The following PAK2 variants were observed in gnomAD, a reference collection of about 807,000 sequenced individuals.
PAK2 encodes the protein serine/threonine-protein kinase PAK 2.
PAK2 carries 21 observed loss-of-function variants against 65.9 expected under a neutral mutation model. The observed-to-expected ratio is 0.32, with a 90% confidence interval of 0.23 to 0.46. The LOEUF is 0.46. Among genes scored for constraint, PAK2 ranks in the 20% least tolerant of loss-of-function variants. PAK2 has a pLI of 1.00. For missense variants in PAK2, 324 were observed against 642.6 expected, an observed-to-expected ratio of 0.50 and a Z score of 5.36; for synonymous variants, 204 against 219.7, an observed-to-expected ratio of 0.93 and a Z score of 0.63.
In PAK2 at chr3:196,812,276, T is replaced by G; in HGVS notation, c.822+9T>G. The G allele has an allele frequency of 6.5e-7, 1 of 1,526,904 alleles. No homozygotes were observed. The highest frequency in any genetic ancestry group is 9.1e-7 in the Non-Finnish European group (1 of 1,100,584). 94.6% of individuals were successfully genotyped at this position (1,526,904 alleles called of 1,614,324 possible). Reference sequence around the variant, plus strand: ...TTGCACTGGGACAGGAGGTAGTTACTTTGTTGTAATCCTGGGTGTTACCAT... The same window carrying G: ...TTGCACTGGGACAGGAGGTAGTTACGTTGTTGTAATCCTGGGTGTTACCAT... On this transcript the variant is annotated intron_variant, in intron 9 of 14. Transcript: ENST00000327134.
chr3:196,749,826 T>C (rs1299923675), intron 1 of PAK2, among the ~76,000 whole-genome samples: 1 of 116,304 alleles, frequency 8.6e-6, no homozygotes, highest in African/African-American at 3.0e-5. Flanking sequence ...TTCATTGTTT[T>C]CTGTTTTTTT....
intron 6 of PAK2, 149 bp from the exon 7 acceptor site, chr3:196,807,633 T>C: frequency 1.9e-6 from 1 of 517,524 alleles, no homozygotes. Flanking sequence ...TACACATCTT[T>C]TATATCTGAA....
chr3:196,782,345 G>T (rs976843820), intron 1 of PAK2, among the ~76,000 whole-genome samples: 2 of 151,550 alleles, frequency 1.3e-5, no homozygotes, highest in African/African-American at 4.9e-5. Context: ...CTATTGAGAA[G>T]GTCTCTTAGA....
At chr3:196,746,761 G>C (rs843538) in intron 1 of PAK2, among the ~76,000 whole-genome samples, 69,312 of 149,286 alleles carry the variant, frequency 0.46, 16,486 homozygotes, top group Non-Finnish European at 0.53. Context: ...AGTGAGCCGA[G>C]ATCGTGCCAT....
At chr3:196,793,791 AAAAC>A (rs1470959357) in intron 2 of PAK2, among the ~76,000 whole-genome samples, 3 of 152,214 alleles carry the variant, frequency 2.0e-5, no homozygotes, top group Non-Finnish European at 2.9e-5. Flanking sequence ...TAAAATTACC[AAAAC>A]AAACAAAAGA....
chr3:196,753,508 A>G (rs911975514), intron 1 of PAK2, among the ~76,000 whole-genome samples: 2 of 152,204 alleles, frequency 1.3e-5, no homozygotes, highest in African/African-American at 4.8e-5. Context: ...TATTTCTTTT[A>G]TCTCGCTAAT....
At chr3:196,784,178 G>A (rs554364372) in intron 2 of PAK2, among the ~76,000 whole-genome samples, 4 of 150,840 alleles carry the variant, frequency 2.7e-5, no homozygotes, top group African/African-American at 7.3e-5. Flanking sequence ...ATCTTTAGGG[G>A]CTTACCCTGG....
rs144911835 is a variant in PAK2 at position 196,814,556 on chromosome 3, T to A, written c.1041T>A (p.Ala347=). The A allele has an allele frequency of 7.3e-7, 1 of 1,371,338 alleles. No individual in the cohort carries two copies. Among genetic ancestry groups the A allele is most frequent in the Non-Finnish European group, 1.0e-6 (1 of 962,618 alleles). 84.9% of individuals were successfully genotyped at this position (1,371,338 alleles called of 1,614,324 possible). A position where few individuals can be genotyped will look rare whatever the true frequency, so the allele number is the denominator to read the frequency against. The change falls in exon 11 of 15, where the codon GCT becomes GCA. Residue 347 remains alanine, a synonymous_variant. Transcript: ENST00000327134. The part of the protein sequence containing the change: ...ETCMDEAQIA[A]VCRECLQALE... ...GCATGGATGAAGCACAGATTGCTGC[T>A]GTATGCAGAGAGGTAGGTTTGCCTC...
chr3:196,806,900 G>A (rs1334426208), intron 6 of PAK2, among the ~76,000 whole-genome samples: 6 of 152,074 alleles, frequency 3.9e-5, no homozygotes, highest in Non-Finnish European at 7.4e-5. Flanking sequence ...AAAAGTTAAC[G>A]CACTCACCTC....
intron 12 of PAK2, among the ~76,000 whole-genome samples, chr3:196,819,208 G>A (rs989758562): frequency 2.0e-5 from 3 of 152,266 alleles, no homozygotes; most frequent in South Asian, 2.1e-4. Flanking sequence ...TTGGGAGGTC[G>A]AGGCAGGTGG....
intron 13 of PAK2, among the ~76,000 whole-genome samples, chr3:196,823,938 C>G (rs1427486853): frequency 6.6e-6 from 1 of 151,952 alleles, no homozygotes; most frequent in Non-Finnish European, 1.5e-5. Context: ...GCTCAGAAGA[C>G]ACTATGAATC....
chr3:196,801,840 CA>C, intron 2 of PAK2, 86 bp from the exon 3 acceptor site: 1 of 720,772 alleles, frequency 1.4e-6, no homozygotes, highest in Non-Finnish European at 2.4e-6. Context: ...TTTAAAAAAA[CA>C]AAAGACAAAA....
intron 1 of PAK2, among the ~76,000 whole-genome samples, chr3:196,751,376 A>G (rs1392215752): frequency 1.3e-5 from 2 of 151,884 alleles, no homozygotes; most frequent in African/African-American, 2.4e-5. Context: ...GGCCAAGCAT[A>G]GTGGCTCACT....
At chr3:196,782,549 A>G in intron 1 of PAK2, 77 bp from the exon 2 acceptor site, 1 of 646,222 alleles carries the variant, frequency 1.5e-6, no homozygotes, top group South Asian at 2.2e-5. Context: ...GAGTTGTGGC[A>G]GGGGTAGTTA....
chr3:196,811,760 A>G (rs370233317), intron 8 of PAK2, among the ~76,000 whole-genome samples: 1 of 152,250 alleles, frequency 6.6e-6, no homozygotes, highest in East Asian at 1.9e-4. Context: ...AGTATATTTT[A>G]TAGGGATACA....
chr3:196,828,464 A>C lies in PAK2; in HGVS notation c.*59A>C. ...TTTTCTACAAGAAGCCTTTTAGTAT[A>C]TGAAAATTATTACTCTTTTTGGGGT... On this transcript the variant is annotated 3_prime_UTR_variant, in exon 15 of 15. Coordinates refer to ENST00000327134, the MANE Select transcript of PAK2 (RefSeq NM_002577.4). 1 of 975,168 alleles carries C rather than the reference A, an allele frequency of 1.0e-6. No homozygotes were observed. The highest frequency in any genetic ancestry group is 2.4e-5 in the East Asian group (1 of 41,756). 60.4% of individuals were successfully genotyped at this position (975,168 alleles called of 1,614,324 possible).
chr3:196,810,584 T>C lies in PAK2; in HGVS notation c.710-6T>C, dbSNP rs1021344424. 1.3e-6 allele frequency: 2 copies of C among 1,525,984 alleles called. No individual in the cohort carries two copies. The highest frequency in any genetic ancestry group is 4.5e-5 in the East Asian group (2 of 44,370). 94.5% of individuals were successfully genotyped at this position (1,525,984 alleles called of 1,614,324 possible). A position where few individuals can be genotyped will look rare whatever the true frequency, so the allele number is the denominator to read the frequency against. On this transcript the variant is annotated splice_region_variant and splice_polypyrimidine_tract_variant and intron_variant, in intron 7 of 14. Coordinates refer to ENST00000327134, the MANE Select transcript of PAK2 (RefSeq NM_002577.4). ...GACTGAGCTTCCAGCTTTTTGTTTATTCTAGGAACTATCGTGAGCATAGGT... is the reference window on the plus strand; with the variant it reads ...GACTGAGCTTCCAGCTTTTTGTTTACTCTAGGAACTATCGTGAGCATAGGT...
intron 1 of PAK2, among the ~76,000 whole-genome samples, chr3:196,752,996 T>C (rs2108712403): frequency 6.6e-6 from 1 of 151,980 alleles, no homozygotes; most frequent in South Asian, 2.1e-4. Flanking sequence ...TTTTTTTTTT[T>C]TTGAGACGGA....
At chr3:196,761,993 A>T (rs1449136426) in intron 1 of PAK2, among the ~76,000 whole-genome samples, 2 of 110,764 alleles carry the variant, frequency 1.8e-5, no homozygotes, top group African/African-American at 3.5e-5. Context: ...GGTGGTTGCC[A>T]GGCAGAGGGT....
Sources: allele counts gnomAD v4.1 joint callset (sites outside exome capture counted in the v4.1 genomes callset), GRCh38; gene constraint gnomAD v4.1.1; transcripts MANE v1.5; gene names NCBI Gene and HGNC (gene_info 2026-07-23, HGNC 2026-07-21).